Variants in ASPA observed in about 807,000 individuals in gnomAD.
The protein encoded by ASPA is ACY-2.
ASPA carries 25 observed loss-of-function variants against 29.6 expected under a neutral mutation model. The observed-to-expected ratio is 0.85, with a 90% CI of 0.62 to 1.18. ASPA has a LOEUF of 1.18. ASPA is among the 50% of genes most tolerant of loss of function. The probability of loss-of-function intolerance (pLI) is 0.00; values close to 1 mark genes in which losing one functional copy is unlikely to be tolerated. For synonymous variants in ASPA, 131 were observed against 130.3 expected (o/e 1.01, Z -0.04); for missense variants, 333 against 385.7 (o/e 0.86, Z 1.14).
intron 5 of ASPA, among the ~76,000 whole-genome samples, chr17:3,497,636 G>A (rs1025062157): frequency 6.6e-5 from 10 of 152,198 alleles, no homozygotes; most frequent in African/African-American, 2.2e-4. Context: ...CATCCCAAGC[G>A]ATCATAATGT....
rs373639689 is a variant in ASPA, at chr17:3,481,766, A to G, written c.400A>G (p.Asn134Asp). ...TCTTATTCTTGAGGATTCCAGGAAT[A>G]ACTTTTTAATTCAGATGTTTCATTA... ...CTLILEDSRN[N>D]FLIQMFHYIK... The change falls in exon 2 of 6, where the codon AAC (asparagine) becomes GAC (aspartate). Residue 134 changes from asparagine to aspartate, a missense_variant. Physicochemically the swap from Asn to Asp is conservative, Grantham distance 23 (BLOSUM62 1). Transcript: ENST00000263080. The G allele has an allele frequency of 3.1e-6, 5 of 1,612,164 alleles. No homozygotes were observed. The African/African-American group carries it at 6.7e-5, about 22-fold the overall frequency.
chr17:3,482,768 CT>C (rs66953301), intron 2 of ASPA, among the ~76,000 whole-genome samples: 39,376 of 146,858 alleles, frequency 0.27, 5,581 homozygotes, highest in East Asian at 0.57. Context: ...TGTAGCGATT[CT>C]TTTTTTTTTT....
chr17:3,499,352 A>G lies in ASPA; in HGVS notation c.*264A>G. The G allele has an allele frequency of 3.4e-6, 1 of 293,076 alleles. No individual in the cohort carries two copies. Among genetic ancestry groups the G allele is most frequent in the Non-Finnish European group, 6.2e-6 (1 of 161,056 alleles). 18.2% of individuals were successfully genotyped at this position (293,076 alleles called of 1,614,324 possible). On this transcript the variant is annotated 3_prime_UTR_variant, in exon 6 of 6. Transcript: ENST00000263080. ...GATACTTGGGTAGCTCAACATTCTT[A>G]ATAAACAGCCTTTGTATTCAGAATA...
At chr17:3,487,245 G>C (rs1200687159) in intron 3 of ASPA, among the ~76,000 whole-genome samples, 3 of 152,180 alleles carry the variant, frequency 2.0e-5, no homozygotes, top group African/African-American at 7.2e-5. Flanking sequence ...AATATTCTTA[G>C]TGTATTATAA....
intron 5 of ASPA, among the ~76,000 whole-genome samples, chr17:3,497,931 T>C (rs1009281401): frequency 6.6e-6 from 1 of 152,176 alleles, no homozygotes; most frequent in Non-Finnish European, 1.5e-5. Flanking sequence ...GAAGAACTGT[T>C]CTGGGGTTCC....
chr17:3,494,536 C>A, intron 5 of ASPA, 77 bp downstream of exon 5: 1 of 1,230,346 alleles, frequency 8.1e-7, no homozygotes. Flanking sequence ...GCTCATACAG[C>A]ACTTCGCGTA....
intron 1 of ASPA, among the ~76,000 whole-genome samples, chr17:3,481,246 T>TA (rs1418586043): frequency 6.6e-6 from 1 of 152,210 alleles, no homozygotes; most frequent in East Asian, 1.9e-4. Flanking sequence ...AGTCCCATAA[T>TA]AAATAACCCA....
At chr17:3,479,613 A>G (rs181626433) in intron 1 of ASPA, among the ~76,000 whole-genome samples, 63 of 151,796 alleles carry the variant, frequency 4.2e-4, no homozygotes, top group East Asian at 2.7e-3. Context: ...CACCATCTCA[A>G]CGTGGCCCTT....
At position 3,499,158 on chromosome 17, in the gene ASPA, A is replaced by C; in HGVS notation, c.*70A>C. On this transcript the variant is annotated 3_prime_UTR_variant, in exon 6 of 6. Transcript: ENST00000263080. ...GCTAGTCTGTAAGCTCCTTAAGAGT[A>C]GGGTTGTGCCTTATTCAACTGCATA... The C allele has an allele frequency of 2.6e-6, 4 of 1,531,342 alleles. No individual in the cohort carries two copies. The highest frequency in any genetic ancestry group is 3.6e-6 in the Non-Finnish European group (4 of 1,124,060). 94.9% of individuals were successfully genotyped at this position (1,531,342 alleles called of 1,614,324 possible). A position where few individuals can be genotyped will look rare whatever the true frequency, so the allele number is the denominator to read the frequency against.
At chr17:3,482,443 T>C (rs892684809) in intron 2 of ASPA, among the ~76,000 whole-genome samples, 3 of 152,198 alleles carry the variant, frequency 2.0e-5, no homozygotes, top group African/African-American at 7.2e-5. Context: ...GTATGCTTAT[T>C]TCTGTGTACT....
chr17:3,475,258 G>A (rs2073503926), upstream of ASPA, among the ~76,000 whole-genome samples: 1 of 152,022 alleles, frequency 6.6e-6, no homozygotes, highest in Admixed American at 6.6e-5. Context: ...ACCCCTTTTT[G>A]AGTAACACAG....
intron 3 of ASPA, among the ~76,000 whole-genome samples, chr17:3,484,248 G>T (rs144474344): frequency 8.3e-4 from 127 of 152,230 alleles, no homozygotes; most frequent in African/African-American, 2.9e-3. Context: ...GTGTACATTT[G>T]ACTAATATTT....
intron 2 of ASPA, among the ~76,000 whole-genome samples, chr17:3,482,431 C>A (rs2073646516): frequency 6.6e-6 from 1 of 152,168 alleles, no homozygotes; most frequent in African/African-American, 2.4e-5. Context: ...ACATAAGGAA[C>A]TGTATGCTTA....
At position 3,485,094 on chromosome 17, in the gene ASPA, C is replaced by T. The variant is rs1384516265; in HGVS notation, c.526+1502C>T. ...AGTGTAGTGGCACGATCACAGTTCA[C>T]TGCAGCCTTGACCTCCTGGGCTCAG... On this transcript the variant is annotated intron_variant, in intron 3 of 5. Coordinates refer to ENST00000263080, the MANE Select transcript of ASPA (RefSeq NM_000049.4). This position sits in a 1 kb window ranked among gnomAD's most constrained non-coding sequence, Gnocchi z 4.4. Among the ~76,000 whole-genome samples the T allele has an allele frequency of 1.3e-5, 2 of 152,120 alleles. No individual in the cohort carries two copies. The highest frequency in any genetic ancestry group is 2.9e-5 in the Non-Finnish European group (2 of 68,028).
At chr17:3,494,642 C>G (rs1026151629) in intron 5 of ASPA, among the ~76,000 whole-genome samples, 183 bp downstream of exon 5, 12 of 152,292 alleles carry the variant, frequency 7.9e-5, no homozygotes, top group African/African-American at 2.6e-4. Flanking sequence ...GTAACCTGTG[C>G]TGGCTGTGTG....
At chr17:3,479,633 C>T (rs1212094880) in intron 1 of ASPA, among the ~76,000 whole-genome samples, 2 of 152,028 alleles carry the variant, frequency 1.3e-5, no homozygotes, top group South Asian at 4.1e-4. Context: ...TTCCACCTTC[C>T]CCCTGCACCG....
chr17:3,488,395 G>A lies in ASPA; in HGVS notation c.527-840G>A, dbSNP rs1360224430. Among the ~76,000 whole-genome samples, 3 of 152,160 alleles carry A rather than the reference G, an allele frequency of 2.0e-5. No homozygotes were observed. The highest frequency in any genetic ancestry group is 1.9e-4 in the East Asian group (1 of 5,192). On this transcript the variant is annotated intron_variant, in intron 3 of 5. Coordinates refer to ENST00000263080, the MANE Select transcript of ASPA (RefSeq NM_000049.4). This position sits in a 1 kb window ranked among gnomAD's most constrained non-coding sequence, Gnocchi z 6.1. ...AACCAGGCCAAGCACGACGGCTCAC[G>A]CCTGTAATCCCAGCATTTGGGGAAG...
chr17:3,484,350 G>T (rs2073683820), intron 3 of ASPA, among the ~76,000 whole-genome samples: 1 of 152,182 alleles, frequency 6.6e-6, no homozygotes, highest in Non-Finnish European at 1.5e-5. Context: ...AGCTTCGTAT[G>T]TGATGAGAAA....
In ASPA at chr17:3,502,842, G is replaced by C. The variant is rs4790500; in HGVS notation, c.*3754G>C. The C allele has an allele frequency of 0.96, 146,908 of 152,328 alleles. 71,062 individuals carry two copies. Among genetic ancestry groups the C allele is most frequent in the East Asian group, 1 (5,190 of 5,190 alleles). 9.4% of individuals were successfully genotyped at this position (152,328 alleles called of 1,614,324 possible). A position where few individuals can be genotyped will look rare whatever the true frequency, so the allele number is the denominator to read the frequency against. ...TGAAAGAATATGCCCACCCTTATTCGCAGGCAAGGTGTGAGGAGGTCTTTG... is the reference window on the plus strand; with the variant it reads ...TGAAAGAATATGCCCACCCTTATTCCCAGGCAAGGTGTGAGGAGGTCTTTG... On this transcript the variant is annotated 3_prime_UTR_variant, in exon 6 of 6. Transcript: ENST00000263080.
Sources: gnomAD v4.1 joint callset for allele counts (sites outside exome capture counted in the v4.1 genomes callset) on GRCh38, gnomAD v4.1.1 for gene constraint, Gnocchi (gnomAD v3.1) non-coding constraint, MANE v1.5 for transcripts, NCBI Gene and HGNC (gene_info 2026-07-23, HGNC 2026-07-21) for gene names.